Variants in CDK5RAP3 observed in about 807,000 individuals in gnomAD.
CDK5RAP3 encodes CDK5 regulatory subunit associated protein 3, also known as CDK5 regulatory subunit-associated protein 3.
Under a neutral mutation model 73.3 loss-of-function variants are expected in CDK5RAP3, and 58 were observed. The ratio of observed to expected loss-of-function variants is 0.79; its 90% CI spans 0.64 to 0.98. The LOEUF is 0.98. Among genes scored for constraint, CDK5RAP3 ranks in the 50% least tolerant of loss-of-function variants. CDK5RAP3 has a pLI of 0.00. For synonymous variants in CDK5RAP3, 224 were observed against 247.5 expected (o/e 0.91, Z 0.89); for missense variants, 525 against 615.8 (o/e 0.85, Z 1.56).
intron 11 of CDK5RAP3, 51 bp from the exon 12 acceptor site, chr17:47,980,542 C>G (rs781378919): frequency 3.6e-5 from 56 of 1,548,724 alleles, no homozygotes; most frequent in Non-Finnish European, 8.9e-7. Flanking sequence ...GCTGGAATTG[C>G]AAGTGTGAGC....
At position 47,972,478 on chromosome 17, in the gene CDK5RAP3, G is replaced by T. The variant is rs1288092568; in HGVS notation, c.53-1041G>T. The stretch of plus-strand genomic sequence containing the variant: ...AGTGTGGGACCCCAGCGTTTGACCG[G>T]TTGGCAGAGTTCAAGTTCTGAATTC... On this transcript the variant is annotated intron_variant, in intron 2 of 13. Transcript: ENST00000338399. Among the ~76,000 whole-genome samples, 5 of 152,286 alleles carry T rather than the reference G, an allele frequency of 3.3e-5. No homozygotes were observed. In the East Asian group the frequency reaches 9.6e-4, roughly 29 times the overall value.
At position 47,977,797 on chromosome 17, in the gene CDK5RAP3, C is replaced by A. The variant is rs1374058407; in HGVS notation, c.910-35C>A. On this transcript the variant is annotated intron_variant, in intron 9 of 13. Coordinates refer to ENST00000338399, the MANE Select transcript of CDK5RAP3 (RefSeq NM_176096.3). ...TGGCTCCTTGGCTCAGGAAAATTCTCCCCCCATTGCTGTGGTTCTTTGCTC... is the reference window on the plus strand; with the variant it reads ...TGGCTCCTTGGCTCAGGAAAATTCTACCCCCATTGCTGTGGTTCTTTGCTC... 7 of 1,572,228 alleles carry A rather than the reference C, an allele frequency of 4.5e-6. No individual in the cohort carries two copies. The South Asian group carries it at 4.5e-5, about 10-fold the overall frequency.
chr17:47,981,418 C>T lies in CDK5RAP3; in HGVS notation c.1456-19C>T, dbSNP rs2036551469. ...CCCTGAGCACCCCTGCTTCTGCCCA[C>T]TTGGTATCACTCTTTCAGATTGAAG... On this transcript the variant is annotated intron_variant, in intron 13 of 13. Coordinates refer to ENST00000338399, the MANE Select transcript of CDK5RAP3 (RefSeq NM_176096.3). 6.2e-7 allele frequency: 1 copy of T among 1,614,244 alleles called. No homozygotes were observed. Among genetic ancestry groups the T allele is most frequent in the South Asian group, 1.1e-5 (1 of 91,090 alleles).
At chr17:47,975,044 G>A in intron 5 of CDK5RAP3, 115 bp from the exon 6 acceptor site, 2 of 1,605,506 alleles carry the variant, frequency 1.2e-6, no homozygotes, top group Non-Finnish European at 1.7e-6. Flanking sequence ...GGGAACAAGT[G>A]GGGCTGGGAA....
At chr17:47,975,115 T>A in intron 5 of CDK5RAP3, 44 bp from the exon 6 acceptor site, 1 of 1,613,778 alleles carries the variant, frequency 6.2e-7, no homozygotes. Flanking sequence ...CATGCCTGCC[T>A]CATGTGGGGG....
In CDK5RAP3 at chr17:47,981,454, C is replaced by T. The variant is rs1007556822; in HGVS notation, c.1473C>T (p.Ser491=). ...ELQKLIEADI[S]KRYSGRPVNL... is the part of the protein sequence containing the mutation. ...TCTTTCAGATTGAAGCTGACATCTC[C>T]AAGAGGTACAGCGGGCGCCCTGTGA... The change falls in exon 14 of 14, where the codon TCC becomes TCT. Residue 491 remains serine, a synonymous_variant. Coordinates refer to ENST00000338399, the MANE Select transcript of CDK5RAP3 (RefSeq NM_176096.3). 4 of 1,614,120 alleles carry T rather than the reference C, an allele frequency of 2.5e-6. No individual in the cohort carries two copies. In the African/African-American group the frequency reaches 4.0e-5, roughly 16 times the overall value.
intron 10 of CDK5RAP3, chr17:47,978,593 T>C (rs1274393297): frequency 1.9e-6 from 1 of 516,616 alleles, no homozygotes; most frequent in African/African-American, 1.9e-5. Flanking sequence ...AGAGCCGGCC[T>C]TTCTACCCCT....
chr17:47,977,872 T>C lies in CDK5RAP3; in HGVS notation c.950T>C (p.Val317Ala). ...GDGIDWGDDA[V>A]ALQITVLEAG... Reference sequence around the variant, plus strand: ...GGGATAGACTGGGGAGACGATGCTGTTGCTTTGCAGATCACAGTGCTGGAA... The same window carrying C: ...GGGATAGACTGGGGAGACGATGCTGCTGCTTTGCAGATCACAGTGCTGGAA... Residue 317 changes from valine to alanine, a missense_variant, in exon 10 of 14, where the codon GTT becomes GCT. Coordinates refer to ENST00000338399, the MANE Select transcript of CDK5RAP3 (RefSeq NM_176096.3). The C allele has an allele frequency of 6.2e-7, 1 of 1,614,104 alleles. No homozygotes were observed. The highest frequency in any genetic ancestry group is 1.3e-5 in the African/African-American group (1 of 75,044).
In CDK5RAP3 at chr17:47,980,600, T is replaced by A. The variant is rs760096317; in HGVS notation, c.1085T>A (p.Ile362Asn). The A allele has an allele frequency of 1.9e-6, 3 of 1,612,722 alleles. No homozygotes were observed. The Admixed American group carries it at 5.0e-5, about 27-fold the overall frequency. ...TCTTTCTTCTGTCCTCAGCTTGAGA[T>A]CTTCTTAGCCCAGAGAGCAGTGGAG... is the stretch of plus-strand genomic sequence containing the variant. ...QFLDELMELE[I>N]FLAQRAVELS... is the part of the protein sequence containing the mutation. Residue 362 changes from isoleucine (I) to asparagine (N), a missense_variant, in exon 12 of 14, where the codon ATC becomes AAC. Coordinates refer to ENST00000338399, the MANE Select transcript of CDK5RAP3 (RefSeq NM_176096.3).
upstream of CDK5RAP3, among the ~76,000 whole-genome samples, chr17:47,968,672 C>A (rs2036213244): frequency 6.6e-6 from 1 of 152,224 alleles, no homozygotes; most frequent in Non-Finnish European, 1.5e-5. Context: ...CGTACGCCAC[C>A]ACGCCCAGCT....
rs1319757174 is a variant in CDK5RAP3 at position 47,975,528 on chromosome 17, A to G, written c.528A>G (p.Arg176=). 6.2e-7 allele frequency: 1 copy of G among 1,611,246 alleles called. No individual in the cohort carries two copies. Among genetic ancestry groups the G allele is most frequent in the Non-Finnish European group, 8.5e-7 (1 of 1,180,022 alleles). Residue 176 remains arginine, a synonymous_variant, in exon 7 of 14, where the codon CGA becomes CGG. Coordinates refer to ENST00000338399, the MANE Select transcript of CDK5RAP3 (RefSeq NM_176096.3). ...CCCCTCTCTAGGGCGAAAATGTCCG[A>G]GGAGAACTGCTGGCCCTGGTGAAGG... The part of the protein sequence containing the change: ...KQYGITGENV[R]GELLALVKDL...
chr17:47,975,879 C>G lies in CDK5RAP3; in HGVS notation c.664C>G (p.Gln222Glu). The change falls in exon 8 of 14, where the codon CAG (glutamine) becomes GAG (glutamate). Residue 222 changes from glutamine to glutamate, a missense_variant. Physicochemically the swap from Gln to Glu is conservative, Grantham distance 29 (BLOSUM62 2). This residue lies in a region of CDK5RAP3 where 409 missense variants were observed against 429.8 expected (regional missense o/e 0.95). Coordinates refer to ENST00000338399, the MANE Select transcript of CDK5RAP3 (RefSeq NM_176096.3). The part of the protein sequence containing the change: ...VGFVCESPTE[Q>E]VLPMLRFVQK... Reference sequence around the variant, plus strand: ...TGTGCTCTGTTGAAGCCCCACAGAGCAGGTGTTGCCAATGCTGCGGTTCGT... The same window carrying G: ...TGTGCTCTGTTGAAGCCCCACAGAGGAGGTGTTGCCAATGCTGCGGTTCGT... The G allele has an allele frequency of 6.2e-7, 1 of 1,614,172 alleles. No homozygotes were observed. The highest frequency in any genetic ancestry group is 2.2e-5 in the East Asian group (1 of 44,892).
chr17:47,978,069 GTTTT>G, intron 10 of CDK5RAP3, 159 bp downstream of exon 10: 32 of 297,226 alleles, frequency 1.1e-4, no homozygotes, highest in Non-Finnish European at 1.2e-4. Context: ...ACCAAGAGAG[GTTTT>G]TTTTTTTTTT....
intron 2 of CDK5RAP3, 84 bp from the exon 3 acceptor site, chr17:47,973,435 A>G: frequency 1.3e-6 from 2 of 1,513,178 alleles, no homozygotes; most frequent in Non-Finnish European, 1.8e-6. Context: ...CTTTTAGACT[A>G]ATTTCAGTGT....
At position 47,981,430 on chromosome 17, in the gene CDK5RAP3, C is replaced by G; in HGVS notation, c.1456-7C>G. On this transcript the variant is annotated splice_region_variant and splice_polypyrimidine_tract_variant and intron_variant, in intron 13 of 13. Coordinates refer to ENST00000338399, the MANE Select transcript of CDK5RAP3 (RefSeq NM_176096.3). ...CTGCTTCTGCCCACTTGGTATCACTCTTTCAGATTGAAGCTGACATCTCCA... is the reference window on the plus strand; with the variant it reads ...CTGCTTCTGCCCACTTGGTATCACTGTTTCAGATTGAAGCTGACATCTCCA... 6.2e-7 allele frequency: 1 copy of G among 1,614,236 alleles called. No homozygotes were observed. The highest frequency in any genetic ancestry group is 8.5e-7 in the Non-Finnish European group (1 of 1,180,020).
chr17:47,974,340 G>A, intron 4 of CDK5RAP3, 60 bp from the exon 5 acceptor site: 2 of 1,393,084 alleles, frequency 1.4e-6, no homozygotes, highest in South Asian at 1.2e-5. Context: ...TAGGGATTGA[G>A]CTGGGATGTG....
chr17:47,970,877 C>T, upstream of CDK5RAP3: 1 of 1,416,072 alleles, frequency 7.1e-7, no homozygotes, highest in Admixed American at 2.4e-5. Flanking sequence ...GCAGCGCACC[C>T]CCTCCCGTCC....
chr17:47,971,358 C>G lies in CDK5RAP3; in HGVS notation c.7-4C>G, dbSNP rs2036259972. 1 of 1,610,452 alleles carries G rather than the reference C, an allele frequency of 6.2e-7. No homozygotes were observed. Among genetic ancestry groups the G allele is most frequent in the Non-Finnish European group, 8.5e-7 (1 of 1,178,546 alleles). On this transcript the variant is annotated splice_polypyrimidine_tract_variant and splice_region_variant and intron_variant, in intron 1 of 13. Coordinates refer to ENST00000338399, the MANE Select transcript of CDK5RAP3 (RefSeq NM_176096.3). ...GCCCCCCTCCTCACCGTGTTTCCCG[C>G]CAGGACCATCAGCACGTGCCCATCG...
chr17:47,971,274 G>C, intron 1 of CDK5RAP3, 88 bp from the exon 2 acceptor site: 2 of 1,544,824 alleles, frequency 1.3e-6, no homozygotes, highest in East Asian at 4.9e-5. Flanking sequence ...GGCCCTGCAG[G>C]GTGGTGGTTG....
Sources: gnomAD v4.1 joint callset for allele counts (sites outside exome capture counted in the v4.1 genomes callset) on GRCh38, gnomAD v4.1.1 for gene constraint, gnomAD v4.1.1 regional missense constraint, MANE v1.5 for transcripts, NCBI Gene and HGNC (gene_info 2026-07-23, HGNC 2026-07-21) for gene names.